HSPG2: variants seen among roughly 807,000 people sequenced by gnomAD.
HSPG2 encodes the protein heparan sulfate proteoglycan 2, also known as basement membrane-specific heparan sulfate proteoglycan core protein.
A neutral mutation model predicts 526.6 loss-of-function variants in HSPG2; 278 were observed. The observed-to-expected ratio is 0.53, with a 90% CI of 0.48 to 0.58. The LOEUF is 0.58. Among genes scored for constraint, HSPG2 ranks in the 20% least tolerant of loss-of-function variants. The probability of loss-of-function intolerance (pLI) is 0.00; values close to 1 mark genes in which losing one functional copy is unlikely to be tolerated. For missense variants in HSPG2, 5,354 were observed against 6,099.5 expected (o/e 0.88, Z 4.07); for synonymous variants, 2,465 against 2,555.4 (o/e 0.96, Z 1.07).
Position 21,823,086 on chromosome 1 carries a change from T to G in HSPG2, c.*230A>C. On this transcript the variant is annotated 3_prime_UTR_variant, in exon 97 of 97. Transcript: ENST00000374695. Reference sequence around the variant, plus strand: ...TTCCTGACCCCAAGTCCTGGTGACTTTCTGAGGTGCCCACTCCCATCCAAC... The same window carrying G: ...TTCCTGACCCCAAGTCCTGGTGACTGTCTGAGGTGCCCACTCCCATCCAAC... The G allele has an allele frequency of 4.5e-6, 2 of 443,706 alleles. No individual in the cohort carries two copies. The highest frequency in any genetic ancestry group is 3.6e-5 in the East Asian group (1 of 27,988). The allele number at this position is 443,706 out of a possible 1,614,324, so 27.5% of individuals were successfully genotyped here. A position where few individuals can be genotyped will look rare whatever the true frequency, so the allele number is the denominator to read the frequency against.
At chr1:21,902,139 A>T (rs1055096053) in intron 1 of HSPG2, among the ~76,000 whole-genome samples, 19 of 152,310 alleles carry the variant, frequency 1.2e-4, no homozygotes, top group African/African-American at 4.6e-4. Context: ...TTTGTTGTAC[A>T]AACTGCCAGG....
chr1:21,873,898 C>A (rs1255396182), intron 29 of HSPG2, 27 bp downstream of exon 29: 2 of 1,547,104 alleles, frequency 1.3e-6, no homozygotes, highest in Non-Finnish European at 1.8e-6. Flanking sequence ...GTGCGCATCC[C>A]CCCACCCTCT....
chr1:21,846,723 G>T, intron 62 of HSPG2, 124 bp from the exon 63 acceptor site: 2 of 1,104,920 alleles, frequency 1.8e-6, no homozygotes, highest in African/African-American at 1.5e-5. Flanking sequence ...CACTTGGCCG[G>T]GCATGGTGGC....
At chr1:21,879,227 G>C (rs1448514342) in intron 17 of HSPG2, 106 bp from the exon 18 acceptor site, 1 of 1,329,026 alleles carries the variant, frequency 7.5e-7, no homozygotes, top group African/African-American at 1.4e-5. Flanking sequence ...CACGCTGGAG[G>C]CACAGCTTTG....
intron 66 of HSPG2, among the ~76,000 whole-genome samples, 179 bp downstream of exon 66, chr1:21,843,118 G>A (rs760828933): frequency 2.0e-4 from 30 of 152,190 alleles, no homozygotes; most frequent in Non-Finnish European, 2.6e-4. Context: ...GGTCCCCCTG[G>A]TTGAGGGGAC....
At position 21,855,806 on chromosome 1, in the gene HSPG2, C is replaced by T. The variant is rs556960916; in HGVS notation, c.5682G>A (p.Thr1894=). 19 of 1,613,204 alleles carry T rather than the reference C, an allele frequency of 1.2e-5. No individual in the cohort carries two copies. In the African/African-American group the frequency reaches 1.3e-4, roughly 11 times the overall value. Residue 1894 remains threonine, a synonymous_variant, in exon 45 of 97, where the codon ACG becomes ACA. Transcript: ENST00000374695. ...EFRCSATGSP[T]PTLEWTGGPG... is the part of the protein sequence containing the mutation. ...CCTCACCTGTCCACTCGAGGGTGGGCGTGGGGCTCCCTGTGGCGCTGCAGC... is the reference window on the plus strand; with the variant it reads ...CCTCACCTGTCCACTCGAGGGTGGGTGTGGGGCTCCCTGTGGCGCTGCAGC...
Position 21,865,918 on chromosome 1 carries a change from T to C in HSPG2, c.4222-109A>G. 2.5e-6 allele frequency: 2 copies of C among 799,260 alleles called. No individual in the cohort carries two copies. The highest frequency in any genetic ancestry group is 3.8e-5 in the Admixed American group (2 of 53,202). The allele number at this position is 799,260 out of a possible 1,614,324, so 49.5% of individuals were successfully genotyped here. ...CGGCCTTTTTGCACCTGTGCCACAC[T>C]CCCCCACCCCCCTCCCTGCCCAAAC... On this transcript the variant is annotated intron_variant, in intron 33 of 96. Transcript: ENST00000374695. The surrounding 1 kb of genome is among the most constrained non-coding windows in gnomAD (Gnocchi z 5.4).
chr1:21,824,467 A>G lies in HSPG2; in HGVS notation c.12744+70T>C. 3 of 1,600,626 alleles carry G rather than the reference A, an allele frequency of 1.9e-6. No homozygotes were observed. Among genetic ancestry groups the G allele is most frequent in the Non-Finnish European group, 2.6e-6 (3 of 1,171,502 alleles). On this transcript the variant is annotated intron_variant, in intron 93 of 96. Transcript: ENST00000374695. The surrounding 1 kb of genome is among the most constrained non-coding windows in gnomAD (Gnocchi z 5.9). ...GGCTCTGCTTTCCCCTCCCCCCACC[A>G]CTCCGGCCACCAGGAAGCCAGCTTC...
rs2098040968 is a variant in HSPG2, at chr1:21,839,683, A to G, written c.9710-133T>C. ...ACCCCAGTTGGGTTCCTCGGCCATC[A>G]CTGGGGGATGCTAGCAACACGGTCT... is the stretch of plus-strand genomic sequence containing the variant. On this transcript the variant is annotated intron_variant, in intron 72 of 96. Transcript: ENST00000374695. The surrounding 1 kb of genome is among the most constrained non-coding windows in gnomAD (Gnocchi z 4.5). 1 of 1,381,252 alleles carries G rather than the reference A, an allele frequency of 7.2e-7. No individual in the cohort carries two copies. Among genetic ancestry groups the G allele is most frequent in the Non-Finnish European group, 1.0e-6 (1 of 996,582 alleles). 85.6% of individuals were successfully genotyped at this position (1,381,252 alleles called of 1,614,324 possible).
chr1:21,865,366 C>G lies in HSPG2; in HGVS notation c.4315-1G>C. Reference sequence around the variant, plus strand: ...AGGCCACTAGCATGATGTTGTTGCCCTGGAAAGACACCAGCAGGATTGGAA... The same window carrying G: ...AGGCCACTAGCATGATGTTGTTGCCGTGGAAAGACACCAGCAGGATTGGAA... On this transcript the variant is annotated splice_acceptor_variant, in intron 34 of 96. Transcript: ENST00000374695. LOFTEE classifies it high-confidence loss of function. This position sits in a 1 kb window ranked among gnomAD's most constrained non-coding sequence, Gnocchi z 5.4. 3 of 1,614,014 alleles carry G rather than the reference C, an allele frequency of 1.9e-6. No individual in the cohort carries two copies. The highest frequency in any genetic ancestry group is 2.5e-6 in the Non-Finnish European group (3 of 1,179,946).
intron 76 of HSPG2, chr1:21,835,177 TC>T: frequency 1.6e-6 from 1 of 636,842 alleles, no homozygotes; most frequent in Non-Finnish European, 2.8e-6. Flanking sequence ...TTGGTTGTAT[TC>T]ACAGGTGTGA....
chr1:21,871,454 G>A (rs908309070), intron 33 of HSPG2, among the ~76,000 whole-genome samples: 1 of 151,920 alleles, frequency 6.6e-6, no homozygotes, highest in Non-Finnish European at 1.5e-5. Context: ...TAGAGACGGG[G>A]TTTCGTCACA....
intron 76 of HSPG2, 107 bp downstream of exon 76, chr1:21,835,433 G>A (rs948881802): frequency 3.9e-6 from 3 of 774,106 alleles, no homozygotes; most frequent in Non-Finnish European, 6.9e-6. Flanking sequence ...TCTTTATTCT[G>A]ACACATTTAG....
rs568823643 is a variant in HSPG2 at position 21,920,201 on chromosome 1, G to A, written c.63+16954C>T. Among the ~76,000 whole-genome samples, 4 of 152,254 alleles carry A rather than the reference G, an allele frequency of 2.6e-5. No individual in the cohort carries two copies. In the South Asian group the frequency reaches 8.3e-4, roughly 32 times the overall value. ...GGATTACAGGCGTGAGCCACCGTGC[G>A]TGGCTGGAACTGTTTTTCCACTGCT... On this transcript the variant is annotated intron_variant, in intron 1 of 96. Coordinates refer to ENST00000374695, the MANE Select transcript of HSPG2 (RefSeq NM_005529.7).
chr1:21,880,393 T>C lies in HSPG2; in HGVS notation c.2165A>G (p.His722Arg), dbSNP rs1279178543. 3.7e-6 allele frequency: 6 copies of C among 1,613,896 alleles called. No individual in the cohort carries two copies. In the Admixed American group the frequency reaches 8.3e-5, roughly 22 times the overall value. Residue 722 changes from histidine to arginine, a missense_variant, in exon 16 of 97, where the codon CAT becomes CGT. Physicochemically the swap from His to Arg is conservative, Grantham distance 29 (BLOSUM62 0). Transcript: ENST00000374695. ...CTCCTCCACACTGTGGGCACGGCCA[T>C]GGCTGGTGGCATGGGTGACGGTGGT... ...MDTTVTHATSHGRAHSVEECR... is the reference protein window; with the variant it reads ...MDTTVTHATSRGRAHSVEECR...
At position 21,828,816 on chromosome 1, in the gene HSPG2, C is replaced by G. The variant is rs1387586216; in HGVS notation, c.12237+19G>C. Reference sequence around the variant, plus strand: ...TGGCACCCCTCCCCTCCCGCTTGTCCCGAGGAGGCTGCTCTTACCTCGCCC... The same window carrying G: ...TGGCACCCCTCCCCTCCCGCTTGTCGCGAGGAGGCTGCTCTTACCTCGCCC... On this transcript the variant is annotated intron_variant, in intron 88 of 96. Transcript: ENST00000374695. The surrounding 1 kb of genome is among the most constrained non-coding windows in gnomAD (Gnocchi z 6.0). The G allele has an allele frequency of 6.5e-7, 1 of 1,548,852 alleles. No individual in the cohort carries two copies. Among genetic ancestry groups the G allele is most frequent in the African/African-American group, 1.4e-5 (1 of 72,740 alleles).
At chr1:21,846,634 G>A (rs372119238) in intron 62 of HSPG2, 35 bp from the exon 63 acceptor site, 73 of 1,612,620 alleles carry the variant, frequency 4.5e-5, no homozygotes, top group Non-Finnish European at 5.4e-5. Flanking sequence ...CGGCACAGCC[G>A]TTGTCAGATT....
intron 21 of HSPG2, among the ~76,000 whole-genome samples, chr1:21,877,059 C>CAAAAAA (rs3077630): frequency 8.7e-5 from 9 of 103,024 alleles, no homozygotes; most frequent in Admixed American, 2.4e-4. Flanking sequence ...GACTCCATCT[C>CAAAAAA]AAAAAAAAAA....
intron 33 of HSPG2, chr1:21,869,341 A>G: frequency 1.8e-6 from 1 of 543,868 alleles, no homozygotes; most frequent in Non-Finnish European, 2.3e-6. Context: ...GATTGATTTA[A>G]GAGAAAATTG....
Sources: allele counts gnomAD v4.1 joint callset (sites outside exome capture counted in the v4.1 genomes callset), GRCh38; gene constraint gnomAD v4.1.1; non-coding constraint Gnocchi (gnomAD v3.1); transcripts MANE v1.5; gene names NCBI Gene and HGNC (gene_info 2026-07-23, HGNC 2026-07-21).